PTPRE: variants seen among roughly 807,000 people sequenced by gnomAD.
PTPRE encodes protein tyrosine phosphatase receptor type E.
In PTPRE, 51 loss-of-function variants were observed where a neutral mutation model predicts 102.0. The ratio of observed to expected loss-of-function variants is 0.50; its 90% confidence interval spans 0.40 to 0.63. PTPRE has a LOEUF of 0.63. Among genes scored for constraint, PTPRE ranks in the 30% least tolerant of loss-of-function variants. PTPRE has a pLI of 0.00. For synonymous variants in PTPRE, 345 were observed against 348.2 expected (o/e 0.99, Z 0.10); for missense variants, 752 against 915.1 (o/e 0.82, Z 2.30).
intron 2 of PTPRE, among the ~76,000 whole-genome samples, chr10:128,038,612 A>T (rs1234243522): frequency 1.5e-5 from 2 of 136,436 alleles, no homozygotes; most frequent in Non-Finnish European, 3.1e-5. Flanking sequence ...AACAATGAGA[A>T]CACTTGGACA....
rs527622138 is a variant in PTPRE, at chr10:128,039,044, A to G, written c.-7-1831A>G. 2.2e-4 allele frequency among the ~76,000 whole-genome samples: 33 copies of G among 152,332 alleles called. No individual in the cohort carries two copies. The South Asian group carries it at 6.4e-3, about 30-fold the overall frequency. On this transcript the variant is annotated intron_variant, in intron 2 of 20. Transcript: ENST00000254667. ...GAGAGGAGGGTTATTAAATTAATGCATGAGATAAGAAAATGTTTCAACTAG... is the reference window on the plus strand; with the variant it reads ...GAGAGGAGGGTTATTAAATTAATGCGTGAGATAAGAAAATGTTTCAACTAG...
chr10:127,911,441 T>G (rs1188108373), intron 1 of PTPRE, among the ~76,000 whole-genome samples: 1 of 152,176 alleles, frequency 6.6e-6, no homozygotes. Flanking sequence ...AACCCACCCC[T>G]GAGAAGCAGT....
intron 1 of PTPRE, among the ~76,000 whole-genome samples, chr10:127,976,421 C>G (rs1257863077): frequency 1.3e-5 from 2 of 152,152 alleles, no homozygotes; most frequent in Non-Finnish European, 2.9e-5. Flanking sequence ...GAGGGTGCCT[C>G]AACCGTGGAG....
At chr10:128,077,056 T>G (rs1455708059) in intron 18 of PTPRE, among the ~76,000 whole-genome samples, 2 of 152,122 alleles carry the variant, frequency 1.3e-5, no homozygotes, top group African/African-American at 2.4e-5. Flanking sequence ...CCCCCAACTG[T>G]CCCCATTTCC....
chr10:127,919,884 G>A (rs894286033), intron 1 of PTPRE, among the ~76,000 whole-genome samples: 3 of 152,032 alleles, frequency 2.0e-5, no homozygotes. Flanking sequence ...GTAGAAATCA[G>A]TGACATCAAT....
intron 1 of PTPRE, among the ~76,000 whole-genome samples, chr10:127,970,939 T>G (rs534008256): frequency 6.6e-6 from 1 of 152,270 alleles, no homozygotes; most frequent in South Asian, 2.1e-4. Context: ...TATCTGGGAC[T>G]CATGGTTGGA....
At chr10:127,943,479 A>G (rs960523363) in intron 1 of PTPRE, among the ~76,000 whole-genome samples, 9 of 152,236 alleles carry the variant, frequency 5.9e-5, no homozygotes, top group Admixed American at 5.2e-4. Context: ...GTCTTCTCCC[A>G]TGCAGGAGGG....
At chr10:128,061,854 C>CGTTGTGTGAATGG in intron 9 of PTPRE, 139 bp downstream of exon 9, 2 of 1,076,480 alleles carry the variant, frequency 1.9e-6, no homozygotes, top group Non-Finnish European at 2.6e-6. Flanking sequence ...GTTAGATATC[C>CGTTGTGTGAATGG]ATTCACACAA....
intron 2 of PTPRE, among the ~76,000 whole-genome samples, chr10:127,992,767 C>A (rs1044707981): frequency 9.8e-5 from 15 of 152,308 alleles, no homozygotes; most frequent in African/African-American, 3.4e-4. Flanking sequence ...TCCAAGTCCC[C>A]ATTCAGAAAA....
chr10:128,015,554 G>T (rs1469340270), intron 2 of PTPRE, among the ~76,000 whole-genome samples: 1 of 152,106 alleles, frequency 6.6e-6, no homozygotes, highest in Non-Finnish European at 1.5e-5. Context: ...TTTTAGTAGA[G>T]ATGGGGTTTC....
chr10:127,929,393 A>G (rs1474761607), intron 1 of PTPRE: 2 of 152,238 alleles, frequency 1.3e-5, no homozygotes, highest in Admixed American at 1.3e-4. Context: ...GCAAGTAGGT[A>G]AAACTGATTT....
chr10:128,078,653 CG>C (rs1851434931), intron 19 of PTPRE, among the ~76,000 whole-genome samples: 1 of 152,216 alleles, frequency 6.6e-6, no homozygotes, highest in Non-Finnish European at 1.5e-5. Flanking sequence ...TGGACCCCAC[CG>C]GGGTGCACTC....
At chr10:128,080,380 C>A (rs1851593444) in intron 20 of PTPRE, among the ~76,000 whole-genome samples, 1 of 152,232 alleles carries the variant, frequency 6.6e-6, no homozygotes, top group Non-Finnish European at 1.5e-5. Flanking sequence ...CGCTGACAAT[C>A]CTGGCTCACG....
chr10:127,995,286 G>A (rs903003584), intron 2 of PTPRE, among the ~76,000 whole-genome samples: 7 of 152,204 alleles, frequency 4.6e-5, no homozygotes, highest in African/African-American at 7.2e-5. Flanking sequence ...GAAAGGCACC[G>A]TGTCCACTTG....
chr10:127,919,030 A>G (rs547825016), intron 1 of PTPRE, among the ~76,000 whole-genome samples: 77 of 152,236 alleles, frequency 5.1e-4, no homozygotes, highest in African/African-American at 1.8e-3. Context: ...TATCTTGAAG[A>G]TGCAAAAATT....
chr10:128,061,768 A>G, intron 9 of PTPRE, 53 bp downstream of exon 9: 1 of 1,552,356 alleles, frequency 6.4e-7, no homozygotes, highest in Non-Finnish European at 8.7e-7. Context: ...AATAGCTCTT[A>G]TTTCCTTCTC....
At chr10:128,059,936 A>C (rs1460145551) in intron 7 of PTPRE, among the ~76,000 whole-genome samples, 1 of 102,928 alleles carries the variant, frequency 9.7e-6, no homozygotes, top group Admixed American at 1.1e-4. Flanking sequence ...CACACACTAC[A>C]TGCACACACA....
chr10:128,054,662 G>A (rs1365248574), intron 6 of PTPRE, among the ~76,000 whole-genome samples: 4 of 151,716 alleles, frequency 2.6e-5, no homozygotes, highest in African/African-American at 4.8e-5. Flanking sequence ...CCCCAAAGCA[G>A]AGGAAAGAGG....
At chr10:127,918,336 A>T (rs1846354208) in intron 1 of PTPRE, among the ~76,000 whole-genome samples, 1 of 152,040 alleles carries the variant, frequency 6.6e-6, no homozygotes, top group South Asian at 2.1e-4. Context: ...AGGTGGCCAG[A>T]TCAGGAGGTC....
Sources: gnomAD v4.1 joint callset for allele counts (sites outside exome capture counted in the v4.1 genomes callset) on GRCh38, gnomAD v4.1.1 for gene constraint, MANE v1.5 for transcripts, NCBI Gene and HGNC (gene_info 2026-07-23, HGNC 2026-07-21) for gene names.